The following IMMP2L variants were observed in gnomAD, a reference collection of about 807,000 sequenced individuals.
IMMP2L encodes the protein inner mitochondrial membrane peptidase subunit 2.
A neutral mutation model predicts 19.3 loss-of-function variants in IMMP2L; 18 were observed. That is an observed-to-expected ratio of 0.93 (90% CI 0.64 to 1.38). The LOEUF (loss-of-function observed/expected upper bound fraction) is 1.38, where lower values mean the gene tolerates loss of function less well. Ranked by LOEUF, IMMP2L falls within the 40% of genes most tolerant of loss-of-function variation. IMMP2L has a pLI of 0.00. For missense variants in IMMP2L, 233 were observed against 218.2 expected (o/e 1.07, Z -0.43); for synonymous variants, 76 against 73.0 (o/e 1.04, Z -0.21).
intron 3 of IMMP2L, among the ~76,000 whole-genome samples, chr7:111,347,209 T>C (rs78335490): frequency 0.025 from 3,813 of 152,000 alleles, 183 homozygotes; most frequent in African/African-American, 0.087. Context: ...GGCATACAGA[T>C]AGCAATAGAT....
intron 5 of IMMP2L, among the ~76,000 whole-genome samples, chr7:110,680,490 G>C (rs1792639982): frequency 6.6e-6 from 1 of 152,030 alleles, no homozygotes. Context: ...CATAATAAAA[G>C]GTAATGGAAA....
intron 3 of IMMP2L, chr7:111,124,960 T>A (rs1586448918): frequency 8.6e-7 from 1 of 1,157,454 alleles, no homozygotes; most frequent in Non-Finnish European, 1.2e-6. Flanking sequence ...AAGACTGCAG[T>A]TGTGCTAAAA....
At position 111,123,348 on chromosome 7, in the gene IMMP2L, T is replaced by C. The variant is rs901551236; in HGVS notation, c.240-159783A>G. The stretch of plus-strand genomic sequence containing the variant: ...TTGATGCTCTTCCAAATCTAGAGAT[T>C]CTGATGATTGGGGAAAATCCAATTA... On this transcript the variant is annotated intron_variant, in intron 3 of 5. Transcript: ENST00000405709. The surrounding 1 kb of genome is among the most constrained non-coding windows in gnomAD (Gnocchi z 6.4). 2 of 1,613,834 alleles carry C rather than the reference T, an allele frequency of 1.2e-6. No individual in the cohort carries two copies. Among genetic ancestry groups the C allele is most frequent in the African/African-American group, 2.7e-5 (2 of 75,024 alleles).
rs550213729 is a variant in IMMP2L, at chr7:110,758,751, C to A, written c.409-95030G>T. 1.3e-5 allele frequency among the ~76,000 whole-genome samples: 2 copies of A among 152,156 alleles called. No homozygotes were observed. The highest frequency in any genetic ancestry group is 4.8e-5 in the African/African-American group (2 of 41,522). On this transcript the variant is annotated intron_variant, in intron 5 of 5. Coordinates refer to ENST00000405709, the MANE Select transcript of IMMP2L (RefSeq NM_032549.4). The surrounding 1 kb of genome is among the most constrained non-coding windows in gnomAD (Gnocchi z 4.6). ...AAGACCCCAGACAAAAACATCCAAC[C>A]TTTGTGAGACTTAGTTTGCCTTTAA...
intron 3 of IMMP2L, among the ~76,000 whole-genome samples, chr7:111,397,663 TAATA>T (rs1833008238): frequency 6.6e-6 from 1 of 152,194 alleles, no homozygotes; most frequent in African/African-American, 2.4e-5. Context: ...TTAATCACTT[TAATA>T]AATTCATTTT....
intron 3 of IMMP2L, among the ~76,000 whole-genome samples, chr7:111,324,198 A>G (rs1212950268): frequency 6.6e-5 from 10 of 152,010 alleles, no homozygotes; most frequent in African/African-American, 2.4e-4. Flanking sequence ...ATTACTAGCC[A>G]ACCTAATAAA....
At chr7:111,459,957 G>A (rs1030558832) in intron 3 of IMMP2L, among the ~76,000 whole-genome samples, 7 of 152,102 alleles carry the variant, frequency 4.6e-5, no homozygotes, top group Non-Finnish European at 1.0e-4. Context: ...CAGAGAATTT[G>A]AATAAAGTTA....
chr7:111,215,388 GCA>G (rs1811825184), intron 3 of IMMP2L, among the ~76,000 whole-genome samples: 2 of 152,060 alleles, frequency 1.3e-5, no homozygotes, highest in African/African-American at 4.8e-5. Context: ...TCCAGCTTCT[GCA>G]CAGTTAATAC....
chr7:110,751,929 C>T (rs930326753), intron 5 of IMMP2L, among the ~76,000 whole-genome samples: 1 of 151,812 alleles, frequency 6.6e-6, no homozygotes, highest in African/African-American at 2.4e-5. Context: ...AATTTAGAAC[C>T]CACAAAATTC....
chr7:111,439,797 G>C (rs1837541877), intron 3 of IMMP2L, among the ~76,000 whole-genome samples: 1 of 151,884 alleles, frequency 6.6e-6, no homozygotes, highest in Admixed American at 6.5e-5. Flanking sequence ...ATGCATTGCT[G>C]TTTGATTGCA....
chr7:110,771,322 G>C (rs1799017064), intron 5 of IMMP2L, among the ~76,000 whole-genome samples: 1 of 152,060 alleles, frequency 6.6e-6, no homozygotes, highest in African/African-American at 2.4e-5. Context: ...TCTTGCTACA[G>C]GTTGATGCCT....
At chr7:111,532,170 A>C (rs958910352) in intron 1 of IMMP2L, among the ~76,000 whole-genome samples, 1 of 152,160 alleles carries the variant, frequency 6.6e-6, no homozygotes, top group African/African-American at 2.4e-5. Flanking sequence ...GAAAAGTATC[A>C]CTAGAAACCA....
At chr7:111,275,565 G>A (rs1048991802) in intron 3 of IMMP2L, among the ~76,000 whole-genome samples, 1 of 152,096 alleles carries the variant, frequency 6.6e-6, no homozygotes, top group South Asian at 2.1e-4. Flanking sequence ...TATTCAGTGT[G>A]GGAGGTGTGC....
At chr7:111,181,069 A>G (rs1807654776) in intron 3 of IMMP2L, among the ~76,000 whole-genome samples, 1 of 151,994 alleles carries the variant, frequency 6.6e-6, no homozygotes, top group Non-Finnish European at 1.5e-5. Flanking sequence ...TATTATCACA[A>G]TACATAGGCC....
At chr7:111,477,772 C>T (rs1159618824) in intron 3 of IMMP2L, among the ~76,000 whole-genome samples, 5 of 151,988 alleles carry the variant, frequency 3.3e-5, no homozygotes, top group Admixed American at 3.3e-4. Context: ...GTGGTGCATG[C>T]CTATAATCCC....
chr7:111,505,294 G>A (rs1324217498), intron 2 of IMMP2L, among the ~76,000 whole-genome samples: 7 of 150,980 alleles, frequency 4.6e-5, no homozygotes, highest in South Asian at 2.1e-4. Context: ...ACACCAGTTA[G>A]AATGGCAATC....
At chr7:111,114,822 A>G (rs1334702303) in intron 3 of IMMP2L, among the ~76,000 whole-genome samples, 3 of 152,130 alleles carry the variant, frequency 2.0e-5, no homozygotes, top group Non-Finnish European at 4.4e-5. Context: ...TACAAAAATT[A>G]TATAATAATA....
chr7:110,865,508 T>A (rs1442552202), intron 5 of IMMP2L, among the ~76,000 whole-genome samples: 1 of 152,090 alleles, frequency 6.6e-6, no homozygotes, highest in African/African-American at 2.4e-5. Context: ...ATTTTTACCT[T>A]ACAAATGCTA....
At chr7:111,217,643 T>C (rs1161615430) in intron 3 of IMMP2L, among the ~76,000 whole-genome samples, 1 of 152,136 alleles carries the variant, frequency 6.6e-6, no homozygotes, top group African/African-American at 2.4e-5. Context: ...CCAATCTCCT[T>C]TACTTTATCT....
Sources: allele counts gnomAD v4.1 joint callset (sites outside exome capture counted in the v4.1 genomes callset), GRCh38; gene constraint gnomAD v4.1.1; non-coding constraint Gnocchi (gnomAD v3.1); transcripts MANE v1.5; gene names NCBI Gene and HGNC (gene_info 2026-07-23, HGNC 2026-07-21).